KIFAP3: variants seen among roughly 807,000 people sequenced by gnomAD.
KIFAP3 encodes kinesin-associated protein 3.
In KIFAP3, 68 loss-of-function variants were observed where a neutral mutation model predicts 106.5. The ratio of observed to expected loss-of-function variants is 0.64; its 90% confidence interval spans 0.53 to 0.78. The LOEUF (loss-of-function observed/expected upper bound fraction) is 0.78. KIFAP3 is among the 30% of genes least tolerant of loss of function. The pLI, the probability that KIFAP3 is intolerant of heterozygous loss-of-function variation, is 0.00. For missense variants in KIFAP3, 780 were observed against 941.8 expected (o/e 0.83, Z 2.25); for synonymous variants, 320 against 311.5 (o/e 1.03, Z -0.29).
chr1:169,980,127 G>A (rs918829132), intron 15 of KIFAP3, among the ~76,000 whole-genome samples: 1 of 152,088 alleles, frequency 6.6e-6, no homozygotes, highest in Non-Finnish European at 1.5e-5. Flanking sequence ...TGACTGAGAG[G>A]AGGGAGAAGA....
intron 9 of KIFAP3, among the ~76,000 whole-genome samples, chr1:170,023,770 T>A (rs4656730): frequency 0.1 from 15,792 of 152,088 alleles, 972 homozygotes; most frequent in East Asian, 0.18. Flanking sequence ...GTGAAAATGA[T>A]ATATGCTCAA....
chr1:169,932,076 T>G (rs1663517547), intron 19 of KIFAP3, among the ~76,000 whole-genome samples: 1 of 152,160 alleles, frequency 6.6e-6, no homozygotes, highest in African/African-American at 2.4e-5. Context: ...TCAGAGCAAA[T>G]TTCACTTTAA....
chr1:170,029,130 C>A (rs1669266815), intron 8 of KIFAP3, among the ~76,000 whole-genome samples: 1 of 152,054 alleles, frequency 6.6e-6, no homozygotes. Context: ...AAAAATGTTA[C>A]CAGCCATGAT....
intron 18 of KIFAP3, among the ~76,000 whole-genome samples, chr1:169,957,132 T>G (rs2101852118): frequency 6.6e-6 from 1 of 152,324 alleles, no homozygotes; most frequent in African/African-American, 2.4e-5. Flanking sequence ...AGGGAAATAT[T>G]AAAAAAGAAT....
chr1:170,081,750 C>T (rs1312195428), intron 1 of KIFAP3, among the ~76,000 whole-genome samples: 2 of 152,318 alleles, frequency 1.3e-5, no homozygotes, highest in East Asian at 3.9e-4. Context: ...GATAATCTCC[C>T]CATGTTAAAG....
At chr1:169,959,155 T>C (rs772295154) in intron 18 of KIFAP3, among the ~76,000 whole-genome samples, 1 of 152,140 alleles carries the variant, frequency 6.6e-6, no homozygotes, top group Non-Finnish European at 1.5e-5. Flanking sequence ...CTTAAAAACA[T>C]GGCTCAAGCA....
chr1:170,035,454 C>A lies in KIFAP3; in HGVS notation c.617G>T (p.Ser206Ile). 1 of 1,587,220 alleles carries A rather than the reference C, an allele frequency of 6.3e-7. No individual in the cohort carries two copies. The highest frequency in any genetic ancestry group is 8.6e-7 in the Non-Finnish European group (1 of 1,162,618). Residue 206 changes from serine (S) to isoleucine (I), a missense_variant and splice_region_variant, in exon 6 of 20, where the codon AGC (serine) becomes ATC (isoleucine). Ser to Ile is a moderately radical substitution (Grantham distance 142, BLOSUM62 -2). This residue lies in a region of KIFAP3 where 588 missense variants were observed against 678.9 expected (regional missense o/e 0.87). Coordinates refer to ENST00000361580, the MANE Select transcript of KIFAP3 (RefSeq NM_014970.4). ...TTTATTTAATAATTTTTATACTTAC[C>A]TGGAGAAACAAAAAAAGATGTAAAT... is the stretch of plus-strand genomic sequence containing the variant. ...NIIYIFFCFS[S>I]FSQFHGLITH...
chr1:170,030,343 T>C (rs1437205009), intron 8 of KIFAP3, among the ~76,000 whole-genome samples: 1 of 151,842 alleles, frequency 6.6e-6, no homozygotes, highest in African/African-American at 2.4e-5. Context: ...AATCAGTCAC[T>C]AGGGAAATTC....
At chr1:169,951,796 G>A (rs905998112) in intron 19 of KIFAP3, among the ~76,000 whole-genome samples, 1 of 151,784 alleles carries the variant, frequency 6.6e-6, no homozygotes, top group African/African-American at 2.4e-5. Flanking sequence ...ATAGCAGTTG[G>A]TTTTCTTTAG....
intron 19 of KIFAP3, among the ~76,000 whole-genome samples, chr1:169,939,488 A>G (rs957311554): frequency 7.2e-5 from 11 of 152,200 alleles, no homozygotes; most frequent in South Asian, 4.1e-4. Flanking sequence ...ATTTGATAGC[A>G]TAAGGAATAA....
At chr1:170,051,771 A>C (rs1670587826) in intron 2 of KIFAP3, among the ~76,000 whole-genome samples, 1 of 152,208 alleles carries the variant, frequency 6.6e-6, no homozygotes. Context: ...ATTAAGGCAG[A>C]AGTAAAGAAG....
At chr1:170,041,333 G>T (rs148273351) in intron 3 of KIFAP3, among the ~76,000 whole-genome samples, 20 of 152,120 alleles carry the variant, frequency 1.3e-4, no homozygotes, top group Middle Eastern at 6.8e-3. Context: ...CAAAACTTGA[G>T]CATTGATACA....
intron 11 of KIFAP3, chr1:169,990,009 ATTC>A: frequency 7.1e-6 from 11 of 1,546,470 alleles, no homozygotes; most frequent in Non-Finnish European, 9.6e-6. Flanking sequence ...ATTTGTTCAT[ATTC>A]TTCTAACAAA....
intron 3 of KIFAP3, among the ~76,000 whole-genome samples, chr1:170,043,281 G>A (rs144212089): frequency 0.01 from 1,595 of 152,204 alleles, 16 homozygotes; most frequent in Non-Finnish European, 0.018. Context: ...GGGTTCGTAC[G>A]GTACCCACTG....
chr1:170,046,229 A>AAAAAAAAAAAG (rs1670244868), intron 3 of KIFAP3, among the ~76,000 whole-genome samples: 1 of 144,370 alleles, frequency 6.9e-6, no homozygotes, highest in Non-Finnish European at 1.5e-5. Flanking sequence ...AAAAAAAAAA[A>AAAAAAAAAAAG]GGAAACAGAG....
At chr1:170,079,112 A>C (rs1382954083), upstream of KIFAP3, among the ~76,000 whole-genome samples, 1 of 152,222 alleles carries the variant, frequency 6.6e-6, no homozygotes, top group Non-Finnish European at 1.5e-5. Context: ...TGTTTGGGTG[A>C]TGCAGACAGA....
rs1417213612 is a variant in KIFAP3, at chr1:169,944,726, TC to T, written c.2273+9284del. On this transcript the variant is annotated intron_variant, in intron 19 of 19. Transcript: ENST00000361580. ...CTTTCTGCAGGCGGCCTGATGAGTG[TC>T]CAGCTCTCAGCAGAGAGGAGATCTG... is the stretch of plus-strand genomic sequence containing the variant. 7.2e-5 allele frequency among the ~76,000 whole-genome samples: 11 copies of T among 152,238 alleles called. No individual in the cohort carries two copies. The South Asian group carries it at 2.1e-3, about 29-fold the overall frequency.
At chr1:170,016,105 A>G (rs1357822058) in intron 10 of KIFAP3, among the ~76,000 whole-genome samples, 1 of 152,196 alleles carries the variant, frequency 6.6e-6, no homozygotes, top group East Asian at 1.9e-4. Context: ...TTGAAAGTAT[A>G]GCAGAATATA....
intron 19 of KIFAP3, 55 bp downstream of exon 19, chr1:169,953,956 G>C (rs1022526430): frequency 5.8e-6 from 7 of 1,211,828 alleles, no homozygotes; most frequent in Middle Eastern, 3.8e-4. Context: ...GAGGATTTTA[G>C]CTTTCCAAAA....
Sources: gnomAD v4.1 joint callset for allele counts (sites outside exome capture counted in the v4.1 genomes callset) on GRCh38, gnomAD v4.1.1 for gene constraint, gnomAD v4.1.1 regional missense constraint, MANE v1.5 for transcripts, NCBI Gene and HGNC (gene_info 2026-07-23, HGNC 2026-07-21) for gene names.